Variants in TMEM233 observed in about 807,000 individuals in gnomAD.
The protein encoded by TMEM233 is transmembrane protein 233.
In TMEM233, 6 loss-of-function variants were observed where a neutral mutation model predicts 11.2. The ratio of observed to expected loss-of-function variants is 0.54; its 90% CI spans 0.29 to 1.06. TMEM233 has a LOEUF of 1.06. Among genes scored for constraint, TMEM233 ranks in the 50% least tolerant of loss-of-function variants. TMEM233 has a pLI of 0.08. For missense variants in TMEM233, 127 were observed against 144.7 expected (o/e 0.88, Z 0.63); for synonymous variants, 59 against 55.8 (o/e 1.06, Z -0.26).
At chr12:119,635,191 A>G (rs903586793) in intron 2 of TMEM233, among the ~76,000 whole-genome samples, 2 of 152,172 alleles carry the variant, frequency 1.3e-5, no homozygotes, top group African/African-American at 4.8e-5. Context: ...GCTTCCTGCT[A>G]ATACCTTGAG....
intron 1 of TMEM233, among the ~76,000 whole-genome samples, chr12:119,603,280 A>C (rs1475848838): frequency 6.6e-6 from 1 of 152,060 alleles, no homozygotes; most frequent in African/African-American, 2.4e-5. Flanking sequence ...CAAAACAAAC[A>C]AAAAAAGTAA....
chr12:119,595,192 G>C lies in TMEM233; in HGVS notation c.186+1158G>C, dbSNP rs561777613. 6.6e-6 allele frequency among the ~76,000 whole-genome samples: 1 copy of C among 152,364 alleles called. No individual in the cohort carries two copies. The highest frequency in any genetic ancestry group is 1.5e-5 in the Non-Finnish European group (1 of 68,034). On this transcript the variant is annotated intron_variant, in intron 1 of 2. Transcript: ENST00000426426. The surrounding 1 kb of genome is among the most constrained non-coding windows in gnomAD (Gnocchi z 4.3). ...ATTGACTGCAGCAGCTGGCCCGGGG[G>C]TGGCGGCGGGGTGAGGTTCGTACCG...
chr12:119,608,604 T>C (rs1385118193), intron 1 of TMEM233, among the ~76,000 whole-genome samples: 1 of 152,168 alleles, frequency 6.6e-6, no homozygotes, highest in Admixed American at 6.5e-5. Flanking sequence ...AAGAAGCTGG[T>C]TGGGGTGGCA....
intron 1 of TMEM233, among the ~76,000 whole-genome samples, chr12:119,626,830 CAG>C (rs1408576084): frequency 6.6e-6 from 1 of 152,222 alleles, no homozygotes; most frequent in African/African-American, 2.4e-5. Context: ...TGTGGGGAAA[CAG>C]AAATATTCAT....
Position 119,594,920 on chromosome 12 carries a change from G to A in TMEM233, c.186+886G>A, listed in dbSNP as rs1954004977. ...TTGGTGTCCCCCAGAGCTCCCAGGC[G>A]CCCCTCCACCGCTCTGTCCTGCGCC... On this transcript the variant is annotated intron_variant, in intron 1 of 2. Coordinates refer to ENST00000426426, the MANE Select transcript of TMEM233 (RefSeq NM_001136534.3). This position sits in a 1 kb window ranked among gnomAD's most constrained non-coding sequence, Gnocchi z 5.6. Among the ~76,000 whole-genome samples the A allele has an allele frequency of 6.6e-6, 1 of 151,970 alleles. No individual in the cohort carries two copies. The highest frequency in any genetic ancestry group is 1.5e-5 in the Non-Finnish European group (1 of 67,992).
chr12:119,606,445 A>T (rs1954280560), intron 1 of TMEM233, among the ~76,000 whole-genome samples: 1 of 152,204 alleles, frequency 6.6e-6, no homozygotes, highest in Non-Finnish European at 1.5e-5. Context: ...AAGAATAAAA[A>T]ACATGTTCTA....
intron 2 of TMEM233, among the ~76,000 whole-genome samples, chr12:119,639,317 C>T (rs1955033081): frequency 6.6e-6 from 1 of 151,868 alleles, no homozygotes; most frequent in Admixed American, 6.6e-5. Flanking sequence ...GAGCATGGCC[C>T]TTAAGAGTGC....
chr12:119,629,990 A>C, intron 2 of TMEM233, 118 bp downstream of exon 2: 1 of 1,178,056 alleles, frequency 8.5e-7, no homozygotes, highest in Non-Finnish European at 1.2e-6. Context: ...AAGGGTTTTC[A>C]TGTTTTCTTC....
intron 2 of TMEM233, among the ~76,000 whole-genome samples, chr12:119,633,408 C>G (rs560065685): frequency 2.0e-4 from 30 of 151,986 alleles, no homozygotes; most frequent in African/African-American, 7.0e-4. Context: ...TAGCTAGACC[C>G]CATCTCTAAA....
intron 1 of TMEM233, among the ~76,000 whole-genome samples, chr12:119,613,803 A>G (rs1208213700): frequency 1.3e-5 from 2 of 152,144 alleles, no homozygotes; most frequent in Non-Finnish European, 2.9e-5. Flanking sequence ...ACCTTGTCTC[A>G]AAAAATAAAA....
intron 2 of TMEM233, 92 bp downstream of exon 2, chr12:119,629,964 T>A: frequency 7.3e-7 from 1 of 1,361,854 alleles, no homozygotes; most frequent in Non-Finnish European, 9.8e-7. Context: ...TATGCTCCAG[T>A]AACAACCCCA....
At chr12:119,629,599 TG>T in intron 1 of TMEM233, 136 bp from the exon 2 acceptor site, 1 of 819,648 alleles carries the variant, frequency 1.2e-6, no homozygotes, top group African/African-American at 1.7e-5. Context: ...CTGTGTTGTT[TG>T]CTTAGCAGGC....
At chr12:119,609,477 T>A (rs1479762242) in intron 1 of TMEM233, among the ~76,000 whole-genome samples, 1 of 152,172 alleles carries the variant, frequency 6.6e-6, no homozygotes, top group East Asian at 1.9e-4. Context: ...GCAAAATGTC[T>A]CCAGGGCATA....
At chr12:119,619,904 A>G (rs1414213978) in intron 1 of TMEM233, among the ~76,000 whole-genome samples, 2 of 152,208 alleles carry the variant, frequency 1.3e-5, no homozygotes, top group Non-Finnish European at 2.9e-5. Context: ...GGTTCATAAT[A>G]TGTAAAAGTT....
At chr12:119,596,487 CT>C (rs34129084) in intron 1 of TMEM233, among the ~76,000 whole-genome samples, 217 of 90,368 alleles carry the variant, frequency 2.4e-3, no homozygotes, top group East Asian at 0.011. Flanking sequence ...AAGTTTGTAT[CT>C]TTTTTTTTTT....
At chr12:119,617,132 T>C (rs1034017299) in intron 1 of TMEM233, among the ~76,000 whole-genome samples, 23 of 151,768 alleles carry the variant, frequency 1.5e-4, no homozygotes, top group Admixed American at 5.3e-4. Flanking sequence ...CAGACAGAGA[T>C]TGGAACAGTT....
intron 1 of TMEM233, among the ~76,000 whole-genome samples, chr12:119,621,601 G>C (rs1426355467): frequency 6.6e-6 from 1 of 152,112 alleles, no homozygotes; most frequent in East Asian, 1.9e-4. Context: ...AAATTGCTTT[G>C]ACTTCTTTGT....
intron 1 of TMEM233, among the ~76,000 whole-genome samples, chr12:119,620,181 G>A (rs1217756197): frequency 6.6e-6 from 1 of 152,120 alleles, no homozygotes; most frequent in Non-Finnish European, 1.5e-5. Flanking sequence ...GTGAAAAGAT[G>A]GCTCAACCTC....
At chr12:119,636,433 T>C (rs1411508312) in intron 2 of TMEM233, among the ~76,000 whole-genome samples, 1 of 152,184 alleles carries the variant, frequency 6.6e-6, no homozygotes, top group African/African-American at 2.4e-5. Flanking sequence ...CAGTTATTGC[T>C]GCTTCCCTGG....
Sources: gnomAD v4.1 joint callset for allele counts (sites outside exome capture counted in the v4.1 genomes callset) on GRCh38, gnomAD v4.1.1 for gene constraint, Gnocchi (gnomAD v3.1) non-coding constraint, MANE v1.5 for transcripts, NCBI Gene and HGNC (gene_info 2026-07-23, HGNC 2026-07-21) for gene names.